The following EPAS1 variants were observed in gnomAD, a reference collection of about 807,000 sequenced individuals.
The protein encoded by EPAS1 is endothelial PAS domain-containing protein 1.
A neutral mutation model predicts 87.9 loss-of-function variants in EPAS1; 23 were observed. The observed-to-expected ratio is 0.26, with a 90% CI of 0.19 to 0.37. The LOEUF (loss-of-function observed/expected upper bound fraction) is 0.37, where lower values mean the gene tolerates loss of function less well. Ranked by LOEUF, EPAS1 falls within the 10% of genes least tolerant of loss-of-function variation. The pLI is 1.00. For synonymous variants in EPAS1, 508 were observed against 444.3 expected (o/e 1.14, Z -1.80); for missense variants, 1,138 against 1,120.7 (o/e 1.02, Z -0.22).
rs886344729 is a variant in EPAS1, at chr2:46,347,904, G to C, written c.217+841G>C. Among the ~76,000 whole-genome samples the C allele has an allele frequency of 2.6e-5, 4 of 152,188 alleles. No individual in the cohort carries two copies. The highest frequency in any genetic ancestry group is 5.9e-5 in the Non-Finnish European group (4 of 68,028). ...CAACGAGTTGTGCTCCTCCCCACCT[G>C]GTCTGGTGCCACAGGTGGGGACAGT... On this transcript the variant is annotated intron_variant, in intron 2 of 15. Transcript: ENST00000263734. The surrounding 1 kb of genome is among the most constrained non-coding windows in gnomAD (Gnocchi z 4.2).
chr2:46,379,971 AGAG>A (rs1322057867), intron 11 of EPAS1: 3 of 585,222 alleles, frequency 5.1e-6, no homozygotes, highest in Non-Finnish European at 6.1e-6. Flanking sequence ...TGGGATGGGG[AGAG>A]GAGAACATTT....
At chr2:46,315,276 CT>C (rs1325378390) in intron 1 of EPAS1, among the ~76,000 whole-genome samples, 1 of 152,142 alleles carries the variant, frequency 6.6e-6, no homozygotes, top group Non-Finnish European at 1.5e-5. Context: ...AGCCGGAAAG[CT>C]GATGGCCGTG....
chr2:46,340,137 G>C (rs4953353), intron 1 of EPAS1, among the ~76,000 whole-genome samples: 22 of 151,910 alleles, frequency 1.4e-4, no homozygotes, highest in African/African-American at 4.4e-4. Flanking sequence ...CTCCGGTTAC[G>C]TAAGGAGCTG....
In EPAS1 at chr2:46,308,463, G is replaced by T. The variant is rs146424642; in HGVS notation, c.26+10526G>T. On this transcript the variant is annotated intron_variant, in intron 1 of 15. Coordinates refer to ENST00000263734, the MANE Select transcript of EPAS1 (RefSeq NM_001430.5). ...TAATACCTTGCTTGCTTTTTTTTGG[G>T]GGGGGGGGCTCTGAAATCATGCTTA... Among the ~76,000 whole-genome samples the T allele has an allele frequency of 1.5e-4, 21 of 142,534 alleles. No homozygotes were observed. The South Asian group carries it at 3.2e-3, about 22-fold the overall frequency. The allele number at this position is 142,534 out of a possible 152,430, so 93.5% of individuals were successfully genotyped here.
At chr2:46,308,768 C>T (rs975733449) in intron 1 of EPAS1, among the ~76,000 whole-genome samples, 5 of 152,168 alleles carry the variant, frequency 3.3e-5, no homozygotes, top group African/African-American at 1.2e-4. Flanking sequence ...AAACAGAATA[C>T]TCCAGCTTAA....
chr2:46,382,485 C>T lies in EPAS1; in HGVS notation c.2348C>T (p.Pro783Leu). Residue 783 changes from proline to leucine, a missense_variant, in exon 15 of 16, where the codon CCA (proline) becomes CTA (leucine). By Grantham distance (98) the Pro-to-Leu change is moderately conservative. Transcript: ENST00000263734. ...LGHPLRHLPL[P>L]QPPSAISPGE... is the part of the protein sequence containing the mutation. ...CATCCCCTGAGACATCTGCCGCTGC[C>T]ACAGCCTCCATCTGCCATCAGTCCC... is the stretch of plus-strand genomic sequence containing the variant. 6.2e-7 allele frequency: 1 copy of T among 1,614,164 alleles called. No individual in the cohort carries two copies. The highest frequency in any genetic ancestry group is 8.5e-7 in the Non-Finnish European group (1 of 1,180,040).
intron 1 of EPAS1, among the ~76,000 whole-genome samples, chr2:46,315,168 G>A (rs7571946): frequency 0.024 from 3,634 of 152,254 alleles, 62 homozygotes; most frequent in Non-Finnish European, 0.033. Flanking sequence ...GTACATGAAC[G>A]TATCTGAAGT....
At chr2:46,337,772 A>C (rs1683824626) in intron 1 of EPAS1, among the ~76,000 whole-genome samples, 2 of 152,192 alleles carry the variant, frequency 1.3e-5, no homozygotes, top group African/African-American at 2.4e-5. Context: ...CTTCAAGCCC[A>C]GAGAGGTGGC....
chr2:46,381,945 C>T (rs13012399), intron 13 of EPAS1, 30 bp from the exon 14 acceptor site: 1 of 1,190,904 alleles, frequency 8.4e-7, no homozygotes, highest in Non-Finnish European at 1.2e-6. Flanking sequence ...CTGGCCATTT[C>T]CCCTTTCCAT....
chr2:46,323,345 T>C (rs951882263), intron 1 of EPAS1, among the ~76,000 whole-genome samples: 4 of 152,128 alleles, frequency 2.6e-5, no homozygotes, highest in Non-Finnish European at 4.4e-5. Context: ...AAAGGAAAAA[T>C]AAAGTAGGTG....
At chr2:46,348,897 A>G (rs1165001412) in intron 2 of EPAS1, among the ~76,000 whole-genome samples, 2 of 152,208 alleles carry the variant, frequency 1.3e-5, no homozygotes, top group Non-Finnish European at 2.9e-5. Flanking sequence ...GTCAACCTGT[A>G]TATTAATTGT....
intron 1 of EPAS1, among the ~76,000 whole-genome samples, chr2:46,299,490 T>G (rs1682953722): frequency 6.6e-6 from 1 of 152,168 alleles, no homozygotes; most frequent in Non-Finnish European, 1.5e-5. Flanking sequence ...CTCTTAAGAT[T>G]CCAGTGCGTT....
At position 46,369,943 on chromosome 2, in the gene EPAS1, A is replaced by T. The variant is rs775689931; in HGVS notation, c.886+10A>T. ...AAGAGTCACCAGAACTGTGAGTTCC[A>T]GGAGTGCCCCTTGTGGCTTCCTTGT... On this transcript the variant is annotated intron_variant, in intron 7 of 15. Coordinates refer to ENST00000263734, the MANE Select transcript of EPAS1 (RefSeq NM_001430.5). The T allele has an allele frequency of 1.2e-6, 2 of 1,600,444 alleles. No individual in the cohort carries two copies. The highest frequency in any genetic ancestry group is 3.4e-5 in the Admixed American group (2 of 59,276).
intron 2 of EPAS1, among the ~76,000 whole-genome samples, chr2:46,355,355 GA>G (rs1485829690): frequency 6.6e-6 from 1 of 152,214 alleles, no homozygotes; most frequent in Non-Finnish European, 1.5e-5. Flanking sequence ...ATAGGAGGCT[GA>G]TCTAGGAATA....
intron 1 of EPAS1, among the ~76,000 whole-genome samples, chr2:46,339,981 C>T (rs893722514): frequency 6.6e-6 from 1 of 152,200 alleles, no homozygotes; most frequent in Non-Finnish European, 1.5e-5. Context: ...GGGATTTCAA[C>T]ATAAGTATTT....
At chr2:46,312,147 G>A (rs888037414) in intron 1 of EPAS1, among the ~76,000 whole-genome samples, 4 of 152,298 alleles carry the variant, frequency 2.6e-5, no homozygotes, top group East Asian at 1.9e-4. Flanking sequence ...CAAAATTAGC[G>A]TTGGGATGAC....
At chr2:46,310,428 A>T (rs556788665) in intron 1 of EPAS1, among the ~76,000 whole-genome samples, 3 of 152,142 alleles carry the variant, frequency 2.0e-5, no homozygotes, top group Non-Finnish European at 4.4e-5. Context: ...CCTTTGATCA[A>T]TTTCTACCAA....
chr2:46,372,877 A>G (rs1684655619), intron 7 of EPAS1, among the ~76,000 whole-genome samples: 1 of 152,256 alleles, frequency 6.6e-6, no homozygotes, highest in Non-Finnish European at 1.5e-5. Context: ...ATTGTGCAAG[A>G]ATCATTTTAC....
intron 1 of EPAS1, among the ~76,000 whole-genome samples, chr2:46,308,969 G>T (rs1035303255): frequency 6.6e-6 from 1 of 152,184 alleles, no homozygotes; most frequent in East Asian, 1.9e-4. Context: ...GTTGGGGGTG[G>T]CGTATGTCCC....
Sources: allele counts gnomAD v4.1 joint callset (sites outside exome capture counted in the v4.1 genomes callset), GRCh38; gene constraint gnomAD v4.1.1; non-coding constraint Gnocchi (gnomAD v3.1); transcripts MANE v1.5; gene names NCBI Gene and HGNC (gene_info 2026-07-23, HGNC 2026-07-21).